Variants in DNM3 observed in about 807,000 individuals in gnomAD.
DNM3 encodes the protein dynamin 3.
DNM3 carries 47 observed loss-of-function variants against 101.6 expected under a neutral mutation model. That is an observed-to-expected ratio of 0.46 (90% confidence interval 0.37 to 0.59). The LOEUF (loss-of-function observed/expected upper bound fraction) is 0.59, where lower values mean the gene tolerates loss of function less well. Among genes scored for constraint, DNM3 ranks in the 20% least tolerant of loss-of-function variants. The pLI, the probability that DNM3 is intolerant of heterozygous loss-of-function variation, is 0.00. For synonymous variants in DNM3, 385 were observed against 387.9 expected, an observed-to-expected ratio of 0.99 and a Z score of 0.09; for missense variants, 849 against 1,085.7, an observed-to-expected ratio of 0.78 and a Z score of 3.06.
intron 17 of DNM3, among the ~76,000 whole-genome samples, chr1:172,330,749 A>T (rs1200639820): frequency 6.6e-6 from 1 of 152,212 alleles, no homozygotes; most frequent in East Asian, 1.9e-4. Context: ...AAAGAAAAGT[A>T]TAAAATGGTG....
chr1:171,847,890 C>G (rs201694827), intron 1 of DNM3, among the ~76,000 whole-genome samples: 40,378 of 106,022 alleles, frequency 0.38, 5,766 homozygotes, highest in East Asian at 0.57. Flanking sequence ...CTCTCTCTCT[C>G]TCTCTCTGTG....
At chr1:172,352,696 G>A in intron 17 of DNM3, among the ~76,000 whole-genome samples, 1 of 152,136 alleles carries the variant, frequency 6.6e-6, no homozygotes, top group East Asian at 1.9e-4. Context: ...GGAAAAAGTT[G>A]TTACCTCTTT....
At chr1:172,303,490 C>G (rs940074965) in intron 15 of DNM3, among the ~76,000 whole-genome samples, 1 of 152,212 alleles carries the variant, frequency 6.6e-6, no homozygotes, top group East Asian at 1.9e-4. Flanking sequence ...TCCAACCTAG[C>G]AAGGGAGGCC....
At chr1:172,255,100 A>G in intron 15 of DNM3, among the ~76,000 whole-genome samples, 1 of 152,106 alleles carries the variant, frequency 6.6e-6, no homozygotes, top group East Asian at 1.9e-4. Context: ...CTCATAATAC[A>G]AAAATACTTA....
intron 12 of DNM3, among the ~76,000 whole-genome samples, chr1:172,088,776 C>T (rs376658377): frequency 6.6e-6 from 1 of 152,080 alleles, no homozygotes; most frequent in African/African-American, 2.4e-5. Flanking sequence ...TTTCTTGTCC[C>T]TGAACATTCA....
At chr1:172,093,592 T>C (rs1558558414) in intron 13 of DNM3, 2 of 950,648 alleles carry the variant, frequency 2.1e-6, no homozygotes, top group Non-Finnish European at 1.5e-6. Context: ...AAACCTCTGC[T>C]CTAGATTTTT....
chr1:172,238,623 G>A (rs984592535), intron 14 of DNM3, among the ~76,000 whole-genome samples: 1 of 152,072 alleles, frequency 6.6e-6, no homozygotes, highest in African/African-American at 2.4e-5. Flanking sequence ...TCAGAGATCG[G>A]CAGAGGTAAG....
intron 17 of DNM3, among the ~76,000 whole-genome samples, chr1:172,372,912 G>A (rs2068419153): frequency 1.3e-5 from 2 of 151,794 alleles, no homozygotes; most frequent in Admixed American, 1.3e-4. Flanking sequence ...TCAAATTCAT[G>A]AGCTCAAGTG....
At chr1:172,308,975 C>T (rs995810482) in intron 16 of DNM3, 136 bp downstream of exon 16, 15 of 442,598 alleles carry the variant, frequency 3.4e-5, no homozygotes, top group African/African-American at 1.0e-4. Flanking sequence ...GCTGATACTT[C>T]GCTTACTCTT....
At chr1:172,371,831 T>C (rs2068338638) in intron 17 of DNM3, among the ~76,000 whole-genome samples, 1 of 148,314 alleles carries the variant, frequency 6.7e-6, no homozygotes, top group African/African-American at 2.5e-5. Flanking sequence ...CAGGCAGATA[T>C]TTTTATTTTT....
chr1:172,136,543 A>G (rs1406719394), intron 14 of DNM3: 7 of 152,206 alleles, frequency 4.6e-5, no homozygotes, highest in South Asian at 2.1e-4. Flanking sequence ...TAATCCACTT[A>G]TATTACTTAA....
chr1:172,314,528 C>T (rs2065229379), intron 16 of DNM3, among the ~76,000 whole-genome samples: 4 of 152,184 alleles, frequency 2.6e-5, no homozygotes. Context: ...CAGGTCACTC[C>T]CACCCGCATA....
intron 11 of DNM3, among the ~76,000 whole-genome samples, chr1:172,073,376 CAT>C (rs890533490): frequency 9.2e-5 from 14 of 151,846 alleles, no homozygotes; most frequent in East Asian, 1.9e-4. Flanking sequence ...CATATTGAAA[CAT>C]ATATATGCAT....
intron 10 of DNM3, among the ~76,000 whole-genome samples, chr1:172,067,266 T>C (rs570339187): frequency 8.7e-4 from 133 of 152,346 alleles, no homozygotes; most frequent in African/African-American, 3.1e-3. Context: ...CTGTTAATCT[T>C]ATTAATTTGC....
intron 4 of DNM3, among the ~76,000 whole-genome samples, chr1:172,030,805 T>G (rs1181865972): frequency 6.6e-6 from 1 of 152,072 alleles, no homozygotes; most frequent in African/African-American, 2.4e-5. Context: ...GAAAAAAAGC[T>G]CATCATCACT....
At chr1:171,991,894 C>T (rs546862781) in intron 4 of DNM3, among the ~76,000 whole-genome samples, 9 of 152,316 alleles carry the variant, frequency 5.9e-5, no homozygotes, top group Admixed American at 1.3e-4. Flanking sequence ...GATGAAGCTT[C>T]ATGGAGGACT....
At chr1:172,347,162 G>C (rs187395140) in intron 17 of DNM3, among the ~76,000 whole-genome samples, 50 of 151,364 alleles carry the variant, frequency 3.3e-4, no homozygotes, top group African/African-American at 1.2e-3. Flanking sequence ...AATTTTCCTG[G>C]GTTAGTACCA....
rs551884464 is a variant in DNM3 at position 172,109,989 on chromosome 1, G to T, written c.1545+17114G>T. Among the ~76,000 whole-genome samples, 6 of 152,278 alleles carry T rather than the reference G, an allele frequency of 3.9e-5. No individual in the cohort carries two copies. In the East Asian group the frequency reaches 9.6e-4, roughly 24 times the overall value. On this transcript the variant is annotated intron_variant, in intron 13 of 20. Coordinates refer to ENST00000627582, the MANE Select transcript of DNM3 (RefSeq NM_015569.5). Reference sequence around the variant, plus strand: ...ATTACAAACAAGTCAAACAGTTAATGTGTTGTTCTTTGTTTTGTTTTGGTG... The same window carrying T: ...ATTACAAACAAGTCAAACAGTTAATTTGTTGTTCTTTGTTTTGTTTTGGTG...
At chr1:172,288,278 G>A (rs1443751504) in intron 15 of DNM3, among the ~76,000 whole-genome samples, 1 of 152,186 alleles carries the variant, frequency 6.6e-6, no homozygotes, top group Admixed American at 6.5e-5. Flanking sequence ...CTAGAAGAAT[G>A]CATAGAAATA....
Sources: gnomAD v4.1 joint callset for allele counts (sites outside exome capture counted in the v4.1 genomes callset) on GRCh38, gnomAD v4.1.1 for gene constraint, MANE v1.5 for transcripts, NCBI Gene and HGNC (gene_info 2026-07-23, HGNC 2026-07-21) for gene names.